HLCS: variants seen among roughly 807,000 people sequenced by gnomAD.
The protein encoded by HLCS is holocarboxylase synthetase, also known as biotin--protein ligase.
Under a neutral mutation model 75.0 loss-of-function variants are expected in HLCS, and 53 were observed. That is an observed-to-expected ratio of 0.71 (90% CI 0.57 to 0.89). The LOEUF is 0.89. Ranked by LOEUF, HLCS falls within the 40% of genes least tolerant of loss-of-function variation. The pLI, the probability that HLCS is intolerant of heterozygous loss-of-function variation, is 0.00. For missense variants in HLCS, 966 were observed against 1,074.0 expected (o/e 0.90, Z 1.41); for synonymous variants, 431 against 428.6 (o/e 1.01, Z -0.07).
chr21:36,888,483 TATA>T (rs1569150016), intron 6 of HLCS, among the ~76,000 whole-genome samples: 8 of 125,904 alleles, frequency 6.4e-5, no homozygotes, highest in East Asian at 2.2e-4. Context: ...TATATATATA[TATA>T]TATATATATA....
intron 6 of HLCS, among the ~76,000 whole-genome samples, chr21:36,847,088 G>A (rs1312610931): frequency 6.6e-6 from 1 of 152,040 alleles, no homozygotes; most frequent in Non-Finnish European, 1.5e-5. Flanking sequence ...TGTTAGAAAC[G>A]CCACCACAGC....
chr21:36,867,601 G>T (rs1312967218), intron 6 of HLCS, among the ~76,000 whole-genome samples: 1 of 152,144 alleles, frequency 6.6e-6, no homozygotes, highest in Non-Finnish European at 1.5e-5. Flanking sequence ...TGTCTTATCT[G>T]CTGTGTGGAA....
chr21:36,758,839 T>C (rs1568965004), intron 9 of HLCS, among the ~76,000 whole-genome samples: 1 of 151,908 alleles, frequency 6.6e-6, no homozygotes, highest in Admixed American at 6.6e-5. Context: ...AAAAATTAGC[T>C]GGGTGTGGTG....
chr21:36,755,932 T>C (rs2089551493), intron 10 of HLCS, among the ~76,000 whole-genome samples: 1 of 152,196 alleles, frequency 6.6e-6, no homozygotes, highest in East Asian at 1.9e-4. Flanking sequence ...TTTAGATGCG[T>C]CTATTGTTTC....
intron 6 of HLCS, among the ~76,000 whole-genome samples, chr21:36,839,508 CG>C (rs1388804555): frequency 6.6e-6 from 1 of 152,010 alleles, no homozygotes; most frequent in Non-Finnish European, 1.5e-5. Flanking sequence ...AGAAGGGAGA[CG>C]GGAGAGGTGG....
chr21:36,888,772 G>A (rs901505368), intron 6 of HLCS, among the ~76,000 whole-genome samples: 2 of 151,854 alleles, frequency 1.3e-5, no homozygotes, highest in Admixed American at 6.6e-5. Flanking sequence ...AGACAGTAAG[G>A]CTCAGGGAGG....
At chr21:36,784,633 G>A (rs1034171618) in intron 6 of HLCS, among the ~76,000 whole-genome samples, 2 of 152,074 alleles carry the variant, frequency 1.3e-5, no homozygotes, top group African/African-American at 4.8e-5. Flanking sequence ...CTCTTAAAAT[G>A]CATTTGTGTA....
intron 2 of HLCS, among the ~76,000 whole-genome samples, chr21:36,940,238 T>C (rs968884327): frequency 6.6e-6 from 1 of 152,202 alleles, no homozygotes; most frequent in Non-Finnish European, 1.5e-5. Context: ...TTTTCTAAGA[T>C]GCCATGAACG....
intron 1 of HLCS, among the ~76,000 whole-genome samples, chr21:36,989,362 C>T (rs1423914009): frequency 1.5e-5 from 2 of 132,738 alleles, no homozygotes; most frequent in African/African-American, 5.7e-5. Flanking sequence ...TCGCTCTTGT[C>T]GTCCAGGCTG....
chr21:36,770,437 AC>A (rs756623764), intron 6 of HLCS, among the ~76,000 whole-genome samples: 9 of 152,094 alleles, frequency 5.9e-5, no homozygotes, highest in Non-Finnish European at 8.8e-5. Context: ...GTAAGCCACC[AC>A]GCCTGGCCAA....
intron 5 of HLCS, among the ~76,000 whole-genome samples, chr21:36,912,904 G>A (rs189563153): frequency 3.2e-4 from 48 of 152,226 alleles, no homozygotes; most frequent in African/African-American, 1.1e-3. Flanking sequence ...GCCACTCAAA[G>A]GACCTCTCAG....
At chr21:36,944,073 T>C (rs1393089056) in intron 2 of HLCS, 1 of 152,174 alleles carries the variant, frequency 6.6e-6, no homozygotes, top group African/African-American at 2.4e-5. Context: ...CCAAGTTCAT[T>C]CTCCAAGCTT....
At chr21:36,789,193 C>A (rs2060786331) in intron 6 of HLCS, among the ~76,000 whole-genome samples, 2 of 152,104 alleles carry the variant, frequency 1.3e-5, no homozygotes, top group South Asian at 4.1e-4. Context: ...TAACTGGGAC[C>A]ACAGGTGTGT....
intron 4 of HLCS, among the ~76,000 whole-genome samples, chr21:36,933,895 G>A (rs1048648393): frequency 4.6e-5 from 7 of 152,310 alleles, no homozygotes; most frequent in Admixed American, 6.5e-5. Context: ...ATGCCAGGAC[G>A]GAAAACAGGA....
rs533486205 is a variant in HLCS at position 36,893,132 on chromosome 21, G to A, written c.1892+3728C>T. On this transcript the variant is annotated intron_variant, in intron 6 of 10. Coordinates refer to ENST00000674895, the MANE Select transcript of HLCS (RefSeq NM_001352514.2). Reference sequence around the variant, plus strand: ...GTCACCCAGGCTAGAGTGCAATGGCGCGATCTTGGCTCACTGCAACCTCTG... The same window carrying A: ...GTCACCCAGGCTAGAGTGCAATGGCACGATCTTGGCTCACTGCAACCTCTG... Among the ~76,000 whole-genome samples the A allele has an allele frequency of 5.8e-4, 88 of 151,904 alleles. 1 individual carries two copies. In the South Asian group the frequency reaches 0.014, roughly 23 times the overall value.
intron 8 of HLCS, among the ~76,000 whole-genome samples, 179 bp from the exon 9 acceptor site, chr21:36,760,020 G>A (rs959216023): frequency 1.3e-5 from 2 of 152,170 alleles, no homozygotes; most frequent in African/African-American, 4.8e-5. Context: ...CTTGGGGCCA[G>A]GAGGTAAAAG....
intron 6 of HLCS, among the ~76,000 whole-genome samples, chr21:36,768,817 C>A (rs1057103134): frequency 2.2e-4 from 33 of 152,342 alleles, no homozygotes; most frequent in African/African-American, 7.7e-4. Flanking sequence ...GCGTCCTTTT[C>A]TTGTGTTGGA....
At chr21:36,781,125 G>A (rs1326337364) in intron 6 of HLCS, among the ~76,000 whole-genome samples, 1 of 152,014 alleles carries the variant, frequency 6.6e-6, no homozygotes, top group African/African-American at 2.4e-5. Context: ...GCGCATGCAA[G>A]GGATCTAGGT....
chr21:36,840,841 G>C (rs537961240), intron 6 of HLCS, among the ~76,000 whole-genome samples: 3 of 152,212 alleles, frequency 2.0e-5, no homozygotes, highest in African/African-American at 7.2e-5. Context: ...TTGAACTCTT[G>C]ACCTCAGGTG....
Sources: gnomAD v4.1 joint callset for allele counts (sites outside exome capture counted in the v4.1 genomes callset) on GRCh38, gnomAD v4.1.1 for gene constraint, MANE v1.5 for transcripts, NCBI Gene and HGNC (gene_info 2026-07-23, HGNC 2026-07-21) for gene names.